CUL2: variants seen among roughly 807,000 people sequenced by gnomAD.
CUL2 encodes the protein cullin-2.
In CUL2, 22 loss-of-function variants were observed where a neutral mutation model predicts 110.2. The ratio of observed to expected loss-of-function variants is 0.20; its 90% confidence interval spans 0.14 to 0.28. The LOEUF is 0.28. CUL2 is among the 10% of genes least tolerant of loss of function. The probability of loss-of-function intolerance (pLI) is 1.00; values close to 1 mark genes in which losing one functional copy is unlikely to be tolerated. For synonymous variants in CUL2, 279 were observed against 293.2 expected (o/e 0.95, Z 0.49); for missense variants, 631 against 905.5 (o/e 0.70, Z 3.89).
rs369709338 is a variant in CUL2 at position 35,031,468 on chromosome 10, A to G, written c.1299+23T>C. 28 of 1,605,160 alleles carry G rather than the reference A, an allele frequency of 1.7e-5. No individual in the cohort carries two copies. The highest frequency in any genetic ancestry group is 1.3e-4 in the South Asian group (12 of 89,822). On this transcript the variant is annotated intron_variant, in intron 13 of 20. Transcript: ENST00000374749. This position sits in a 1 kb window ranked among gnomAD's most constrained non-coding sequence, Gnocchi z 4.4. ...AATAAAGTTGACCAAAATACAAATG[A>G]AACTTTTCTGTTCACAACATACCTT... is the stretch of plus-strand genomic sequence containing the variant.
intron 3 of CUL2, 108 bp downstream of exon 3, chr10:35,062,852 C>G: frequency 1.5e-6 from 1 of 659,286 alleles, no homozygotes; most frequent in Non-Finnish European, 2.6e-6. Flanking sequence ...AAAGCAGCAG[C>G]AGCAGCAAAA....
intron 5 of CUL2, among the ~76,000 whole-genome samples, chr10:35,050,288 T>C (rs2086068470): frequency 6.7e-6 from 1 of 149,332 alleles, no homozygotes; most frequent in Non-Finnish European, 1.5e-5. Flanking sequence ...GCCACTGCAC[T>C]CCAGCCTGGT....
At chr10:35,039,308 A>G (rs1319311172) in intron 8 of CUL2, among the ~76,000 whole-genome samples, 1 of 152,254 alleles carries the variant, frequency 6.6e-6, no homozygotes, top group Non-Finnish European at 1.5e-5. Flanking sequence ...CAAGAACTAA[A>G]GTTAAATAGT....
At chr10:35,070,310 A>G (rs1299543708) in intron 2 of CUL2, among the ~76,000 whole-genome samples, 1 of 152,216 alleles carries the variant, frequency 6.6e-6, no homozygotes, top group Non-Finnish European at 1.5e-5. Flanking sequence ...TGCAGTTGTA[A>G]TGAATTAAAT....
rs370671295 is a variant in CUL2 at position 35,087,820 on chromosome 10, T to G, written c.-23+2359A>C. ...TGTGTCTCTCTTCTCCAATCAACAG[T>G]CTGATTCTCAATCAGACCTCTCAGT... On this transcript the variant is annotated intron_variant, in intron 1 of 20. Coordinates refer to ENST00000374749, the MANE Select transcript of CUL2 (RefSeq NM_003591.4). Among the ~76,000 whole-genome samples, 11 of 152,268 alleles carry G rather than the reference T, an allele frequency of 7.2e-5. No individual in the cohort carries two copies. In the South Asian group the frequency reaches 1.5e-3, roughly 20 times the overall value.
Position 35,035,205 on chromosome 10 carries a change from G to C in CUL2, c.969C>G (p.Gly323=), listed in dbSNP as rs535893634. The change falls in exon 10 of 21, where the codon GGC becomes GGG. Residue 323 remains glycine, a synonymous_variant. Coordinates refer to ENST00000374749, the MANE Select transcript of CUL2 (RefSeq NM_003591.4). The part of the protein sequence containing the change: ...QELQNHIHDE[G]LRATSNLTQE... ...GAGTAAGGTTGCTGGTTGCTCGAAG[G>C]CCCTCATCATGGATGTGGTTTTGCA... is the stretch of plus-strand genomic sequence containing the variant. The C allele has an allele frequency of 6.2e-7, 1 of 1,614,044 alleles. No homozygotes were observed. The highest frequency in any genetic ancestry group is 1.3e-5 in the African/African-American group (1 of 74,908).
At chr10:35,064,397 G>A (rs891390402) in intron 2 of CUL2, among the ~76,000 whole-genome samples, 8 of 151,970 alleles carry the variant, frequency 5.3e-5, no homozygotes, top group African/African-American at 9.7e-5. Flanking sequence ...ATGTCCCCCC[G>A]ACACTTCATA....
At position 35,071,601 on chromosome 10, in the gene CUL2, G is replaced by T. The variant is rs943660447; in HGVS notation, c.-22-262C>A. Among the ~76,000 whole-genome samples the T allele has an allele frequency of 7.9e-5, 12 of 152,214 alleles. No homozygotes were observed. In the East Asian group the frequency reaches 2.3e-3, roughly 29 times the overall value. On this transcript the variant is annotated intron_variant, in intron 1 of 20. Transcript: ENST00000374749. ...TTGTATTTTTTTTTAGTAGAGACGG[G>T]GTTTCACTGTGTTAGCCAGGATGGT...
chr10:35,050,872 G>C (rs2086085379), intron 5 of CUL2, among the ~76,000 whole-genome samples: 1 of 152,218 alleles, frequency 6.6e-6, no homozygotes, highest in Non-Finnish European at 1.5e-5. Context: ...GAACAATCAA[G>C]TGCTCATGCA....
At chr10:35,079,940 T>C (rs1438925400) in intron 1 of CUL2, among the ~76,000 whole-genome samples, 1 of 152,178 alleles carries the variant, frequency 6.6e-6, no homozygotes, top group African/African-American at 2.4e-5. Context: ...ATCCACAGCG[T>C]AGAGATGCTG....
chr10:35,087,831 A>G (rs2087100573), intron 1 of CUL2, among the ~76,000 whole-genome samples: 1 of 152,170 alleles, frequency 6.6e-6, no homozygotes, highest in African/African-American at 2.4e-5. Context: ...CTGATTCTCA[A>G]TCAGACCTCT....
At position 35,010,199 on chromosome 10, in the gene CUL2, CAG is replaced by C. The variant is rs1696682144; in HGVS notation, c.*110_*111del. ...TGGTGATGTTGTAAACAGCAGAAAA[CAG>C]GGGCTGCCAAATGACCAAATTATGG... On this transcript the variant is annotated 3_prime_UTR_variant, in exon 21 of 21. Transcript: ENST00000374749. 8.6e-7 allele frequency: 1 copy of C among 1,164,582 alleles called. No individual in the cohort carries two copies. The highest frequency in any genetic ancestry group is 1.1e-6 in the Non-Finnish European group (1 of 875,028). 72.1% of individuals were successfully genotyped at this position (1,164,582 alleles called of 1,614,324 possible).
intron 4 of CUL2, among the ~76,000 whole-genome samples, chr10:35,056,602 G>T (rs1005575647): frequency 2.6e-5 from 4 of 152,050 alleles, no homozygotes; most frequent in Non-Finnish European, 5.9e-5. Flanking sequence ...AGGTCAACAT[G>T]AGGCACTGGA....
Position 35,044,820 on chromosome 10 carries a change from A to C in CUL2, c.555T>G (p.Ile185Met), listed in dbSNP as rs769290138. 6.2e-7 allele frequency: 1 copy of C among 1,613,422 alleles called. No individual in the cohort carries two copies. Among genetic ancestry groups the C allele is most frequent in the African/African-American group, 1.3e-5 (1 of 74,906 alleles). ...DPNQKVIHGV[I>M]NSFVHVEQYK... ...ACTGTTCAACATGAACAAAGGAGTTAATAACCCCATGGATTACTTTCTGGT... is the reference window on the plus strand; with the variant it reads ...ACTGTTCAACATGAACAAAGGAGTTCATAACCCCATGGATTACTTTCTGGT... The change falls in exon 7 of 21, where the codon ATT (isoleucine) becomes ATG (methionine). Residue 185 changes from isoleucine (I) to methionine (M), a missense_variant. Physicochemically the swap from Ile to Met is conservative, Grantham distance 10. Around this residue, in one of 3 missense-constraint regions of CUL2, gnomAD observed 338 missense variants for 442.5 expected, o/e 0.76. Coordinates refer to ENST00000374749, the MANE Select transcript of CUL2 (RefSeq NM_003591.4).
At chr10:35,050,369 A>G (rs1333891723) in intron 5 of CUL2, among the ~76,000 whole-genome samples, 1 of 152,154 alleles carries the variant, frequency 6.6e-6, no homozygotes, top group Non-Finnish European at 1.5e-5. Context: ...AATGCTCAAC[A>G]CTATAAATGG....
In CUL2 at chr10:35,044,807, G is replaced by T; in HGVS notation, c.568C>A (p.His190Asn). 1.2e-6 allele frequency: 2 copies of T among 1,613,246 alleles called. No individual in the cohort carries two copies. Among genetic ancestry groups the T allele is most frequent in the South Asian group, 1.1e-5 (1 of 90,868 alleles). Residue 190 changes from histidine to asparagine, a missense_variant, in exon 7 of 21, where the codon CAT becomes AAT. Around this residue, in one of 3 missense-constraint regions of CUL2, gnomAD observed 338 missense variants for 442.5 expected, o/e 0.76. Transcript: ENST00000374749. ...AATTTTTTCTTATACTGTTCAACAT[G>T]AACAAAGGAGTTAATAACCCCATGG... is the stretch of plus-strand genomic sequence containing the variant. ...VIHGVINSFV[H>N]VEQYKKKFPL... is the part of the protein sequence containing the mutation.
intron 20 of CUL2, among the ~76,000 whole-genome samples, chr10:35,011,113 G>C (rs1433361290): frequency 6.6e-6 from 1 of 151,950 alleles, no homozygotes; most frequent in African/African-American, 2.4e-5. Flanking sequence ...TGTCACACAG[G>C]CTCAATCCCT....
At chr10:35,100,821 T>G (rs1371098043) in intron 2 of CUL2, 2 of 150,136 alleles carry the variant, frequency 1.3e-5, no homozygotes, top group African/African-American at 4.9e-5. Context: ...GGGTGTACCT[T>G]CTATCCATTT....
At chr10:35,106,951 G>GTTT (rs111245197) in intron 1 of CUL2, among the ~76,000 whole-genome samples, 229 of 150,472 alleles carry the variant, frequency 1.5e-3, no homozygotes, top group African/African-American at 5.1e-3. Flanking sequence ...CCCTTAACCT[G>GTTT]TTTTTTTTTG....
Sources: gnomAD v4.1 joint callset for allele counts (sites outside exome capture counted in the v4.1 genomes callset) on GRCh38, gnomAD v4.1.1 for gene constraint, gnomAD v4.1.1 regional missense constraint, Gnocchi (gnomAD v3.1) non-coding constraint, MANE v1.5 for transcripts, NCBI Gene and HGNC (gene_info 2026-07-23, HGNC 2026-07-21) for gene names.